The following SIPA1L2 variants were observed in gnomAD, a reference collection of about 807,000 sequenced individuals.
SIPA1L2 encodes the protein signal induced proliferation associated 1 like 2, also known as signal-induced proliferation-associated 1-like protein 2.
Under a neutral mutation model 163.9 loss-of-function variants are expected in SIPA1L2, and 56 were observed. The ratio of observed to expected loss-of-function variants is 0.34; its 90% CI spans 0.28 to 0.43. The LOEUF (loss-of-function observed/expected upper bound fraction) is 0.43, where lower values mean the gene tolerates loss of function less well. SIPA1L2 is among the 20% of genes least tolerant of loss of function. SIPA1L2 has a pLI of 1.00. For missense variants in SIPA1L2, 1,974 were observed against 2,193.5 expected (o/e 0.90, Z 2.00); for synonymous variants, 877 against 865.7 (o/e 1.01, Z -0.23).
chr1:232,608,057 A>AAAAAAAAAAAC (rs1662046904), intron 1 of SIPA1L2, among the ~76,000 whole-genome samples: 1 of 150,252 alleles, frequency 6.7e-6, no homozygotes, highest in Non-Finnish European at 1.5e-5. Context: ...CAAAAAAAAA[A>AAAAAAAAAAAC]AAAAAAAAAA....
intron 2 of SIPA1L2, among the ~76,000 whole-genome samples, chr1:232,548,247 G>A (rs967112370): frequency 1.3e-5 from 2 of 152,202 alleles, no homozygotes; most frequent in South Asian, 2.1e-4. Flanking sequence ...GCACAGATTC[G>A]AGAACTGTAT....
Position 232,484,842 on chromosome 1 carries a change from T to G in SIPA1L2, c.1807-876A>C, listed in dbSNP as rs552416840. ...ATCTGAGCCTGAAAGGCTGACAGAT[T>G]ATCAGACATCGCCAATTCTCTAAAG... is the stretch of plus-strand genomic sequence containing the variant. On this transcript the variant is annotated intron_variant, in intron 5 of 22. Transcript: ENST00000674635. Among the ~76,000 whole-genome samples the G allele has an allele frequency of 1.1e-3, 172 of 152,338 alleles. 1 individual carries two copies. Among genetic ancestry groups the G allele is most frequent in the African/African-American group, 3.6e-3 (151 of 41,572 alleles).
chr1:232,536,207 G>T (rs1473668366), intron 2 of SIPA1L2, among the ~76,000 whole-genome samples: 2 of 152,204 alleles, frequency 1.3e-5, no homozygotes, highest in Non-Finnish European at 2.9e-5. Context: ...TCCCATTCCA[G>T]CTTGGGCCTG....
At chr1:232,561,420 A>T (rs1231591651) in intron 2 of SIPA1L2, 1 of 152,212 alleles carries the variant, frequency 6.6e-6, no homozygotes, top group Non-Finnish European at 1.5e-5. Context: ...TGCAATTAAG[A>T]TAATTATTTC....
intron 14 of SIPA1L2, among the ~76,000 whole-genome samples, 163 bp downstream of exon 14, chr1:232,441,128 C>T (rs1662866100): frequency 1.3e-5 from 2 of 152,200 alleles, no homozygotes; most frequent in African/African-American, 4.8e-5. Context: ...TCTTTGAGGT[C>T]CTTTATAAAT....
chr1:232,543,154 C>T (rs1203863099), intron 2 of SIPA1L2, among the ~76,000 whole-genome samples: 3 of 152,190 alleles, frequency 2.0e-5, no homozygotes, highest in Non-Finnish European at 4.4e-5. Flanking sequence ...CTATGTAAAT[C>T]GAATGAAGAG....
chr1:232,598,735 C>A (rs1661419578), intron 1 of SIPA1L2, among the ~76,000 whole-genome samples: 1 of 152,136 alleles, frequency 6.6e-6, no homozygotes, highest in Admixed American at 6.5e-5. Context: ...TCCAATTCAA[C>A]AGAGCTCAGG....
intron 7 of SIPA1L2, among the ~76,000 whole-genome samples, chr1:232,475,500 C>T (rs940481188): frequency 7.2e-5 from 11 of 152,096 alleles, no homozygotes; most frequent in African/African-American, 1.7e-4. Context: ...GAGTTTCCTA[C>T]GGAAAAAGTT....
At chr1:232,433,583 T>C (rs1371229154) in intron 15 of SIPA1L2, among the ~76,000 whole-genome samples, 3 of 152,012 alleles carry the variant, frequency 2.0e-5, no homozygotes, top group African/African-American at 7.2e-5. Flanking sequence ...ACAATAAAAA[T>C]TTTCAAGGTT....
At chr1:232,593,069 C>T (rs933306825) in intron 1 of SIPA1L2, among the ~76,000 whole-genome samples, 7 of 152,198 alleles carry the variant, frequency 4.6e-5, no homozygotes, top group Non-Finnish European at 8.8e-5. Context: ...GAAACTCAGA[C>T]AGCAGCTGCA....
intron 10 of SIPA1L2, among the ~76,000 whole-genome samples, chr1:232,449,340 A>T (rs1663413872): frequency 6.6e-6 from 1 of 151,258 alleles, no homozygotes; most frequent in Non-Finnish European, 1.5e-5. Flanking sequence ...AACATGGTGA[A>T]ACCCCGTCTC....
intron 3 of SIPA1L2, among the ~76,000 whole-genome samples, chr1:232,505,209 A>G (rs1423712053): frequency 6.6e-6 from 1 of 152,224 alleles, no homozygotes; most frequent in African/African-American, 2.4e-5. Context: ...CACTTCAAAG[A>G]AGAGAGGTGG....
chr1:232,536,666 A>G (rs1053263065), intron 2 of SIPA1L2, among the ~76,000 whole-genome samples: 2 of 152,210 alleles, frequency 1.3e-5, no homozygotes, highest in Non-Finnish European at 2.9e-5. Context: ...ACAAACAAAC[A>G]AAACGACAGA....
intron 1 of SIPA1L2, among the ~76,000 whole-genome samples, chr1:232,608,391 G>T (rs1573168953): frequency 1.3e-5 from 2 of 152,084 alleles, no homozygotes; most frequent in Non-Finnish European, 2.9e-5. Flanking sequence ...AATCTTTTAG[G>T]GATAGCTTCT....
At chr1:232,420,907 G>A (rs1433462842) in intron 18 of SIPA1L2, among the ~76,000 whole-genome samples, 5 of 152,190 alleles carry the variant, frequency 3.3e-5, no homozygotes, top group African/African-American at 9.6e-5. Flanking sequence ...CTCCCCACAC[G>A]AAGCACGGTG....
At chr1:232,428,028 ACTT>A (rs1367716529) in intron 17 of SIPA1L2, among the ~76,000 whole-genome samples, 2 of 152,202 alleles carry the variant, frequency 1.3e-5, no homozygotes, top group African/African-American at 4.8e-5. Context: ...TTCAGACATC[ACTT>A]CTTATCTTCA....
rs1303639851 is a variant in SIPA1L2, at chr1:232,402,402, T to A, written c.5012A>T (p.Asp1671Val). Residue 1671 changes from aspartate to valine, a missense_variant, in exon 22 of 23, where the codon GAC becomes GTC. Physicochemically the swap from Asp to Val is radical, Grantham distance 152. Transcript: ENST00000674635. ...LELILRQLQTDLRKEKQDKAV... is the reference protein window; with the variant it reads ...LELILRQLQTVLRKEKQDKAV... ...CTTCCAATTGATTACCTTCCGAAGG[T>A]CGGTCTGGAGTTGTCGAAGAATTAA... 1 of 1,613,340 alleles carries A rather than the reference T, an allele frequency of 6.2e-7. No homozygotes were observed. The highest frequency in any genetic ancestry group is 1.7e-5 in the Admixed American group (1 of 59,954).
chr1:232,572,662 C>CATATAT (rs1305270146), intron 2 of SIPA1L2, among the ~76,000 whole-genome samples: 6 of 99,114 alleles, frequency 6.1e-5, no homozygotes, highest in South Asian at 4.7e-4. Context: ...TCGTCAAATA[C>CATATAT]ATATATATAT....
rs1294303927 is a variant in SIPA1L2 at position 232,439,243 on chromosome 1, T to C, written c.3896A>G (p.Asp1299Gly). The C allele has an allele frequency of 6.2e-7, 1 of 1,614,014 alleles. No homozygotes were observed. The highest frequency in any genetic ancestry group is 2.2e-5 in the East Asian group (1 of 44,878). ...LIHSRAEQWA[D>G]AADVSGPDDE... ...GTCAGGCCCAGAGACGTCGGCAGCATCAGCCCACTGCTCGGCCCGGCTGTG... is the reference window on the plus strand; with the variant it reads ...GTCAGGCCCAGAGACGTCGGCAGCACCAGCCCACTGCTCGGCCCGGCTGTG... The change falls in exon 15 of 23, where the codon GAT (aspartate) becomes GGT (glycine). Residue 1299 changes from aspartate (D) to glycine (G), a missense_variant. Physicochemically the swap from Asp to Gly is moderately conservative, Grantham distance 94 (BLOSUM62 -1). This residue lies in a region of SIPA1L2 where 1,079 missense variants were observed against 1,150.7 expected (regional missense o/e 0.94). Coordinates refer to ENST00000674635, the MANE Select transcript of SIPA1L2 (RefSeq NM_020808.5).
Sources: gnomAD v4.1 joint callset for allele counts (sites outside exome capture counted in the v4.1 genomes callset) on GRCh38, gnomAD v4.1.1 for gene constraint, gnomAD v4.1.1 regional missense constraint, MANE v1.5 for transcripts, NCBI Gene and HGNC (gene_info 2026-07-23, HGNC 2026-07-21) for gene names.